Variants in TBC1D5 observed in about 807,000 individuals in gnomAD.
TBC1D5 encodes the protein TBC1 domain family, member 5.
In TBC1D5, 75 loss-of-function variants were observed where a neutral mutation model predicts 100.3. That is an observed-to-expected ratio of 0.75 (90% CI 0.62 to 0.91). The LOEUF is 0.91. Among genes scored for constraint, TBC1D5 ranks in the 40% least tolerant of loss-of-function variants. The pLI is 0.00. For missense variants in TBC1D5, 910 were observed against 942.4 expected (o/e 0.97, Z 0.45); for synonymous variants, 323 against 325.6 (o/e 0.99, Z 0.09).
intron 2 of TBC1D5, among the ~76,000 whole-genome samples, chr3:17,517,524 A>G (rs2096006543): frequency 6.6e-6 from 1 of 152,212 alleles, no homozygotes; most frequent in African/African-American, 2.4e-5. Flanking sequence ...AATGTGTCAT[A>G]AGGCAATGAT....
intron 2 of TBC1D5, among the ~76,000 whole-genome samples, chr3:17,621,293 C>T (rs555289735): frequency 6.6e-6 from 1 of 152,172 alleles, no homozygotes; most frequent in Non-Finnish European, 1.5e-5. Context: ...TTTCCTACCT[C>T]TGTCCTCTAA....
intron 17 of TBC1D5, among the ~76,000 whole-genome samples, chr3:17,219,018 T>C (rs935652395): frequency 1.3e-5 from 2 of 151,858 alleles, no homozygotes; most frequent in African/African-American, 4.8e-5. Flanking sequence ...CCTTCTCTCC[T>C]TCTGAGGCTC....
intron 9 of TBC1D5, among the ~76,000 whole-genome samples, chr3:17,381,707 A>C (rs2092951678): frequency 6.6e-6 from 1 of 151,992 alleles, no homozygotes; most frequent in Admixed American, 6.6e-5. Flanking sequence ...TAGTCTTTCG[A>C]CTTTTTATCC....
At position 17,214,331 on chromosome 3, in the gene TBC1D5, T is replaced by C. The variant is rs950638852; in HGVS notation, c.1628A>G (p.Glu543Gly). 4.3e-6 allele frequency: 7 copies of C among 1,613,194 alleles called. No homozygotes were observed. The African/African-American group carries it at 6.7e-5, about 15-fold the overall frequency. ...GAATTCTCTTCCTCCAGGCAAACTC[T>C]CAACGCTTGGAGATGAACTGATGTT... The change falls in exon 18 of 22, where the codon GAG becomes GGG. Residue 543 changes from glutamate to glycine, a missense_variant. Coordinates refer to ENST00000253692, the Ensembl canonical transcript of TBC1D5.
intron 4 of TBC1D5, among the ~76,000 whole-genome samples, chr3:17,424,265 G>A (rs1044726644): frequency 6.6e-6 from 1 of 152,162 alleles, no homozygotes; most frequent in Non-Finnish European, 1.5e-5. Context: ...ACAGATTAAT[G>A]TAATAGTCTG....
intron 3 of TBC1D5, among the ~76,000 whole-genome samples, chr3:17,440,481 G>A (rs2094628721): frequency 6.6e-6 from 1 of 151,934 alleles, no homozygotes; most frequent in African/African-American, 2.4e-5. Flanking sequence ...GCCGGGCATG[G>A]TGGCGTGCAC....
intron 18 of TBC1D5, among the ~76,000 whole-genome samples, chr3:17,185,457 C>T (rs1004728272): frequency 6.6e-6 from 1 of 152,132 alleles, no homozygotes; most frequent in East Asian, 1.9e-4. Context: ...TGTAAAGTTA[C>T]AGTTAGATTG....
At chr3:17,373,175 T>C (rs2092551690) in intron 12 of TBC1D5, among the ~76,000 whole-genome samples, 2 of 152,172 alleles carry the variant, frequency 1.3e-5, no homozygotes, top group African/African-American at 4.8e-5. Flanking sequence ...ATAAGATGTA[T>C]AAAAACAGAT....
exon 17 of TBC1D5, chr3:17,238,306 A>G: frequency 1.9e-6 from 3 of 1,614,034 alleles, no homozygotes; most frequent in South Asian, 1.1e-5. Context: ...GCCTCCAGGT[A>G]CAGGGCCACC....
intron 1 of TBC1D5, among the ~76,000 whole-genome samples, chr3:17,677,040 A>G (rs1395560488): frequency 6.6e-6 from 1 of 152,202 alleles, no homozygotes; most frequent in African/African-American, 2.4e-5. Flanking sequence ...ACCTAAATCC[A>G]TAAAAACCCT....
chr3:17,378,497 TAATA>T (rs1225452193), intron 9 of TBC1D5, among the ~76,000 whole-genome samples: 1 of 151,948 alleles, frequency 6.6e-6, no homozygotes, highest in African/African-American at 2.4e-5. Context: ...CGTTTTTACT[TAATA>T]AATTGCCCTT....
chr3:17,243,272 A>G (rs531934105), intron 16 of TBC1D5, among the ~76,000 whole-genome samples: 26 of 152,340 alleles, frequency 1.7e-4, no homozygotes, highest in Admixed American at 4.6e-4. Context: ...ATTGAAAATT[A>G]TACTATTTTG....
chr3:17,306,025 G>A (rs576653085), intron 14 of TBC1D5, among the ~76,000 whole-genome samples: 32 of 152,160 alleles, frequency 2.1e-4, no homozygotes, highest in Non-Finnish European at 4.0e-4. Context: ...ATAACCTGCG[G>A]CTAGTCTCTC....
intron 1 of TBC1D5, among the ~76,000 whole-genome samples, chr3:17,692,681 C>T (rs1382883466): frequency 2.0e-5 from 3 of 152,096 alleles, no homozygotes; most frequent in African/African-American, 4.8e-5. Context: ...TAGGTAATGT[C>T]AATTAGATAT....
chr3:17,160,995 C>A, exon 22 of TBC1D5: 1 of 1,614,136 alleles, frequency 6.2e-7, no homozygotes, highest in Non-Finnish European at 8.5e-7. Context: ...ATGGTGAAGC[C>A]AGAGTCCTTG....
chr3:17,257,839 C>T (rs1226779835), intron 16 of TBC1D5, among the ~76,000 whole-genome samples: 2 of 152,158 alleles, frequency 1.3e-5, no homozygotes, highest in Non-Finnish European at 2.9e-5. Flanking sequence ...GACAACTTGG[C>T]AGCATTTATC....
At chr3:17,157,404 A>ATCT (rs1179161870) in exon 22 of TBC1D5, 4 of 152,250 alleles carry the variant, frequency 2.6e-5, no homozygotes, top group African/African-American at 7.2e-5. Context: ...AACTTTATAT[A>ATCT]TCTTTTTAAC....
At chr3:17,729,906 C>A (rs951690595) in intron 1 of TBC1D5, among the ~76,000 whole-genome samples, 8 of 152,078 alleles carry the variant, frequency 5.3e-5, no homozygotes, top group African/African-American at 1.9e-4. Context: ...GCCAGGAGTT[C>A]AAGACCAGCC....
At chr3:17,520,613 C>G (rs1005453212) in intron 2 of TBC1D5, among the ~76,000 whole-genome samples, 1 of 151,832 alleles carries the variant, frequency 6.6e-6, no homozygotes, top group Admixed American at 6.6e-5. Flanking sequence ...AGGGTACAAT[C>G]AATCTCCTTC....
Sources: gnomAD v4.1 joint callset for allele counts (sites outside exome capture counted in the v4.1 genomes callset) on GRCh38, gnomAD v4.1.1 for gene constraint, MANE v1.5 for transcripts, NCBI Gene and HGNC (gene_info 2026-07-23, HGNC 2026-07-21) for gene names.